Variants in PLPP4 observed in about 807,000 individuals in gnomAD.
PLPP4 encodes the protein diacylglycerol pyrophosphate like 2.
A neutral mutation model predicts 32.2 loss-of-function variants in PLPP4; 20 were observed. The ratio of observed to expected loss-of-function variants is 0.62; its 90% CI spans 0.44 to 0.90. The LOEUF (loss-of-function observed/expected upper bound fraction) is 0.90, where lower values mean the gene tolerates loss of function less well. Among genes scored for constraint, PLPP4 ranks in the 40% least tolerant of loss-of-function variants. PLPP4 has a pLI of 0.00. For synonymous variants in PLPP4, 127 were observed against 133.0 expected, an observed-to-expected ratio of 0.95 and a Z score of 0.31; for missense variants, 257 against 353.1, an observed-to-expected ratio of 0.73 and a Z score of 2.18.
At chr10:120,525,192 A>C (rs750258991) in intron 5 of PLPP4, among the ~76,000 whole-genome samples, 1 of 152,206 alleles carries the variant, frequency 6.6e-6, no homozygotes, top group Non-Finnish European at 1.5e-5. Flanking sequence ...GAAGAGAAAC[A>C]TGGCCCACAA....
intron 5 of PLPP4, among the ~76,000 whole-genome samples, chr10:120,539,653 T>C (rs1432582649): frequency 6.6e-6 from 1 of 152,116 alleles, no homozygotes; most frequent in Non-Finnish European, 1.5e-5. Flanking sequence ...TTATTTTTAA[T>C]AAGCAGACAT....
At chr10:120,553,424 G>A (rs1245737692) in intron 5 of PLPP4, among the ~76,000 whole-genome samples, 1 of 152,152 alleles carries the variant, frequency 6.6e-6, no homozygotes, top group Non-Finnish European at 1.5e-5. Context: ...CAGTAAGAAG[G>A]TACCACCTTT....
rs183236619 is a variant in PLPP4, at chr10:120,496,646, T to G, written c.57-7172T>G. Among the ~76,000 whole-genome samples, 35 of 152,310 alleles carry G rather than the reference T, an allele frequency of 2.3e-4. No individual in the cohort carries two copies. The East Asian group carries it at 6.8e-3, about 29-fold the overall frequency. On this transcript the variant is annotated intron_variant, in intron 1 of 6. Transcript: ENST00000398250. ...TACAATCTGTAATCTCCATAAGAGT[T>G]GGGACCATATTTGTATTCACCAGTG...
intron 1 of PLPP4, among the ~76,000 whole-genome samples, chr10:120,489,205 C>A (rs180705401): frequency 2.6e-5 from 4 of 152,270 alleles, no homozygotes; most frequent in African/African-American, 9.6e-5. Flanking sequence ...TGATGAAGAA[C>A]GCAAGGTTTG....
intron 5 of PLPP4, among the ~76,000 whole-genome samples, chr10:120,563,801 C>T (rs1330056003): frequency 4.0e-5 from 2 of 49,646 alleles, no homozygotes; most frequent in Admixed American, 3.2e-4. Context: ...AGCGAGACTC[C>T]GTCTCAAAAA....
intron 5 of PLPP4, among the ~76,000 whole-genome samples, chr10:120,556,981 T>C (rs2062052845): frequency 6.6e-6 from 1 of 152,186 alleles, no homozygotes. Context: ...TTCATGCGGC[T>C]GTTTTCCTCC....
chr10:120,531,033 A>C (rs372700255), intron 5 of PLPP4, among the ~76,000 whole-genome samples: 1 of 151,564 alleles, frequency 6.6e-6, no homozygotes, highest in Admixed American at 6.6e-5. Flanking sequence ...TTCTTCTATC[A>C]ATAGAAGAAA....
intron 5 of PLPP4, among the ~76,000 whole-genome samples, chr10:120,540,349 A>G (rs1363367389): frequency 2.0e-5 from 3 of 152,182 alleles, no homozygotes; most frequent in Non-Finnish European, 4.4e-5. Context: ...AAAACTCTCA[A>G]TACTCTGTAA....
At chr10:120,499,303 C>T (rs1845125413) in intron 1 of PLPP4, among the ~76,000 whole-genome samples, 1 of 152,082 alleles carries the variant, frequency 6.6e-6, no homozygotes, top group African/African-American at 2.4e-5. Context: ...TTTTTTCTCC[C>T]CCATGACACA....
intron 1 of PLPP4, among the ~76,000 whole-genome samples, chr10:120,481,244 G>A (rs1844190879): frequency 1.3e-5 from 2 of 152,208 alleles, no homozygotes; most frequent in African/African-American, 2.4e-5. Context: ...AGCACATGGT[G>A]GAACTGCAGA....
intron 1 of PLPP4, among the ~76,000 whole-genome samples, chr10:120,489,409 G>A (rs963674540): frequency 4.6e-5 from 7 of 152,194 alleles, no homozygotes; most frequent in Non-Finnish European, 1.0e-4. Context: ...GGACCAAGGG[G>A]CCCTGGTGAC....
intron 6 of PLPP4, among the ~76,000 whole-genome samples, chr10:120,588,352 C>G (rs1339093383): frequency 6.6e-6 from 1 of 152,190 alleles, no homozygotes; most frequent in African/African-American, 2.4e-5. Flanking sequence ...CCTGCAGATG[C>G]ACCCCCCTGC....
Position 120,521,001 on chromosome 10 carries a change from T to C in PLPP4, c.351T>C (p.Phe117=). Reference sequence around the variant, plus strand: ...GCCCCGATTTCTTTTACCGCTGCTTTCCAGATGGAGTGATGAACTCGGAAA... The same window carrying C: ...GCCCCGATTTCTTTTACCGCTGCTTCCCAGATGGAGTGATGAACTCGGAAA... ...RPRPDFFYRC[F]PDGVMNSEMH... The change falls in exon 5 of 7, where the codon TTT becomes TTC. Residue 117 remains phenylalanine (F), a synonymous_variant. Transcript: ENST00000398250. The C allele has an allele frequency of 2.5e-6, 4 of 1,614,070 alleles. No individual in the cohort carries two copies. The highest frequency in any genetic ancestry group is 3.3e-4 in the Middle Eastern group (2 of 6,062).
intron 1 of PLPP4, among the ~76,000 whole-genome samples, chr10:120,459,113 T>C (rs1366738874): frequency 6.6e-6 from 1 of 152,218 alleles, no homozygotes; most frequent in Non-Finnish European, 1.5e-5. Flanking sequence ...ATGCAGTAAA[T>C]TTGAAAACTT....
rs1468753344 is a variant in PLPP4 at position 120,577,257 on chromosome 10, T to G, written c.616+1956T>G. Among the ~76,000 whole-genome samples, 3 of 152,342 alleles carry G rather than the reference T, an allele frequency of 2.0e-5. No homozygotes were observed. The East Asian group carries it at 5.8e-4, about 29-fold the overall frequency. ...TCACTTTTATTCAACCACTTTGGAT[T>G]CGGGGAATGATTGGGGGTTTCAGAA... On this transcript the variant is annotated intron_variant, in intron 6 of 6. Transcript: ENST00000398250.
intron 6 of PLPP4, among the ~76,000 whole-genome samples, chr10:120,588,666 G>T (rs1849875048): frequency 6.6e-6 from 1 of 152,196 alleles, no homozygotes; most frequent in South Asian, 2.1e-4. Flanking sequence ...GAGATGGCTT[G>T]AATTCTTCTT....
intron 6 of PLPP4, among the ~76,000 whole-genome samples, chr10:120,587,749 T>A (rs1849828427): frequency 6.6e-6 from 1 of 152,228 alleles, no homozygotes; most frequent in African/African-American, 2.4e-5. Context: ...AAAGATACAT[T>A]TCTTTAATGA....
At chr10:120,459,461 CTTTG>C (rs1413151324) in intron 1 of PLPP4, among the ~76,000 whole-genome samples, 3 of 152,198 alleles carry the variant, frequency 2.0e-5, no homozygotes, top group Non-Finnish European at 4.4e-5. Context: ...ACAGATGACC[CTTTG>C]TTTTCTCAGA....
Sources: gnomAD v4.1 joint callset for allele counts (sites outside exome capture counted in the v4.1 genomes callset) on GRCh38, gnomAD v4.1.1 for gene constraint, MANE v1.5 for transcripts, NCBI Gene and HGNC (gene_info 2026-07-23, HGNC 2026-07-21) for gene names.